ZPLD1: variants seen among roughly 807,000 people sequenced by gnomAD.
ZPLD1 encodes zona pellucida like domain containing 1, also known as zona pellucida-like domain-containing protein 1.
In ZPLD1, 34 loss-of-function variants were observed where a neutral mutation model predicts 47.2. That is an observed-to-expected ratio of 0.72 (90% confidence interval 0.55 to 0.96). The LOEUF is 0.96. ZPLD1 is among the 40% of genes least tolerant of loss of function. The pLI, the probability that ZPLD1 is intolerant of heterozygous loss-of-function variation, is 0.00. For synonymous variants in ZPLD1, 176 were observed against 186.2 expected, an observed-to-expected ratio of 0.95 and a Z score of 0.45; for missense variants, 512 against 505.8, an observed-to-expected ratio of 1.01 and a Z score of -0.12.
chr3:102,405,621 T>C (rs1443590552), intron 7 of ZPLD1, among the ~76,000 whole-genome samples: 1 of 152,042 alleles, frequency 6.6e-6, no homozygotes, highest in Non-Finnish European at 1.5e-5. Context: ...TGGTAACTGC[T>C]TACTCATTGT....
At chr3:102,447,352 C>T (rs1707272858) in intron 3 of ZPLD1, among the ~76,000 whole-genome samples, 1 of 152,208 alleles carries the variant, frequency 6.6e-6, no homozygotes, top group Non-Finnish European at 1.5e-5. Flanking sequence ...GCGTGAGCCA[C>T]CACACCTGGC....
intron 6 of ZPLD1, among the ~76,000 whole-genome samples, chr3:102,459,593 A>G (rs904701043): frequency 2.0e-5 from 3 of 152,214 alleles, no homozygotes; most frequent in African/African-American, 7.2e-5. Flanking sequence ...GCCTATAATT[A>G]GATGATAACC....
chr3:102,452,876 G>A, intron 3 of ZPLD1, 43 bp from the exon 4 acceptor site: 3 of 1,595,096 alleles, frequency 1.9e-6, no homozygotes, highest in Non-Finnish European at 1.7e-6. Context: ...TTATCTTTCT[G>A]CTTTTCTGAC....
intron 7 of ZPLD1, among the ~76,000 whole-genome samples, chr3:102,415,013 G>C (rs1706788713): frequency 6.6e-6 from 1 of 151,822 alleles, no homozygotes; most frequent in Admixed American, 6.6e-5. Flanking sequence ...CCTGAGATTA[G>C]AAATATTTGG....
chr3:102,423,786 A>G (rs989553391), intron 8 of ZPLD1, among the ~76,000 whole-genome samples: 4 of 152,104 alleles, frequency 2.6e-5, no homozygotes, highest in Admixed American at 6.6e-5. Flanking sequence ...GGTGGCATGC[A>G]TAGTCTTAAA....
At chr3:102,471,175 TC>T (rs1273131229) in intron 10 of ZPLD1, among the ~76,000 whole-genome samples, 2 of 152,108 alleles carry the variant, frequency 1.3e-5, no homozygotes, top group Non-Finnish European at 2.9e-5. Context: ...AGCCTCTAGC[TC>T]CCTTGCCCTC....
intron 7 of ZPLD1, among the ~76,000 whole-genome samples, chr3:102,400,760 C>T (rs1199963435): frequency 6.6e-6 from 1 of 151,948 alleles, no homozygotes; most frequent in South Asian, 2.1e-4. Context: ...ATTTCCACAC[C>T]TGATGCAGCA....
intron 8 of ZPLD1, among the ~76,000 whole-genome samples, chr3:102,464,545 G>T (rs541001787): frequency 2.6e-5 from 4 of 152,216 alleles, no homozygotes; most frequent in Admixed American, 2.0e-4. Flanking sequence ...CTTAGGAAAC[G>T]CATAGTTAGG....
chr3:102,387,701 C>T (rs1387227947), intron 6 of ZPLD1, among the ~76,000 whole-genome samples: 1 of 152,010 alleles, frequency 6.6e-6, no homozygotes, highest in Non-Finnish European at 1.5e-5. Flanking sequence ...AAATTTTAAT[C>T]CCTTCTGAAA....
At chr3:102,387,885 G>GTC (rs1201602259) in intron 6 of ZPLD1, among the ~76,000 whole-genome samples, 1 of 127,036 alleles carries the variant, frequency 7.9e-6, no homozygotes, top group Non-Finnish European at 1.6e-5. Context: ...GTGAGACGGA[G>GTC]TCTCTCTCTC....
At chr3:102,393,658 A>G (rs1430572830) in intron 7 of ZPLD1, among the ~76,000 whole-genome samples, 1 of 152,080 alleles carries the variant, frequency 6.6e-6, no homozygotes, top group African/African-American at 2.4e-5. Flanking sequence ...TAAAAAAAAA[A>G]AAACTCTGGA....
chr3:102,455,480 A>G (rs1481777858), intron 4 of ZPLD1, among the ~76,000 whole-genome samples: 1 of 152,336 alleles, frequency 6.6e-6, no homozygotes, highest in South Asian at 2.1e-4. Context: ...GTAGATAAGT[A>G]TCTTTATGAA....
At chr3:102,461,016 T>C (rs1438300531) in intron 6 of ZPLD1, among the ~76,000 whole-genome samples, 2 of 151,818 alleles carry the variant, frequency 1.3e-5, no homozygotes, top group Non-Finnish European at 3.0e-5. Flanking sequence ...AGAGTATCAG[T>C]TTTTAAGTAT....
chr3:102,443,296 T>C (rs1173033991), intron 3 of ZPLD1, among the ~76,000 whole-genome samples: 1 of 152,168 alleles, frequency 6.6e-6, no homozygotes, highest in Non-Finnish European at 1.5e-5. Context: ...AAACAAGCAA[T>C]AAGTTCCATG....
intron 6 of ZPLD1, among the ~76,000 whole-genome samples, chr3:102,459,640 A>G (rs944364628): frequency 7.9e-5 from 12 of 152,200 alleles, no homozygotes; most frequent in African/African-American, 2.9e-4. Flanking sequence ...ATTTTTTGAT[A>G]TTAGACTACA....
intron 7 of ZPLD1, among the ~76,000 whole-genome samples, chr3:102,397,651 A>G (rs1353391807): frequency 2.0e-5 from 3 of 152,112 alleles, no homozygotes; most frequent in African/African-American, 4.8e-5. Context: ...CCTCTCTAGG[A>G]CAGGGAGTCC....
intron 8 of ZPLD1, among the ~76,000 whole-genome samples, chr3:102,428,560 A>T (rs1329391921): frequency 2.0e-5 from 3 of 152,146 alleles, no homozygotes; most frequent in African/African-American, 7.2e-5. Context: ...CATTTGATTG[A>T]TGTACTGAAA....
rs553916609 is a variant in ZPLD1, at chr3:102,392,579, C to A, written c.-157+354C>A. Among the ~76,000 whole-genome samples, 4 of 149,688 alleles carry A rather than the reference C, an allele frequency of 2.7e-5. No individual in the cohort carries two copies. In the East Asian group the frequency reaches 7.8e-4, roughly 29 times the overall value. On this transcript the variant is annotated intron_variant, in intron 7 of 17. Transcript: ENST00000491959. ...TCCTCCTTCCTCCTTCCTCCTTCCC[C>A]CTTCCTTCTTTCTTCTTCTTCTGCC...
At chr3:102,429,998 A>G (rs532148673) in intron 8 of ZPLD1, among the ~76,000 whole-genome samples, 83 of 152,230 alleles carry the variant, frequency 5.5e-4, no homozygotes, top group African/African-American at 1.9e-3. Context: ...AATATTTTAA[A>G]TATGTTTACT....
Sources: allele counts gnomAD v4.1 joint callset (sites outside exome capture counted in the v4.1 genomes callset), GRCh38; gene constraint gnomAD v4.1.1; transcripts MANE v1.5; gene names NCBI Gene and HGNC (gene_info 2026-07-23, HGNC 2026-07-21).